Variants in DCAF5 observed in about 807,000 individuals in gnomAD.
DCAF5 encodes the protein DDB1 and CUL4 associated factor 5, also known as DDB1- and CUL4-associated factor 5.
Under a neutral mutation model 80.7 loss-of-function variants are expected in DCAF5, and 9 were observed. The ratio of observed to expected loss-of-function variants is 0.11; its 90% CI spans 0.07 to 0.19. DCAF5 has a LOEUF of 0.19. DCAF5 is among the 10% of genes least tolerant of loss of function. The pLI is 1.00. For synonymous variants in DCAF5, 433 were observed against 461.9 expected (o/e 0.94, Z 0.80); for missense variants, 842 against 1,205.7 (o/e 0.70, Z 4.47).
Position 69,053,943 on chromosome 14 carries a change from C to T in DCAF5, c.2743G>A (p.Gly915Ser), listed in dbSNP as rs750214119. Residue 915 changes from glycine (G) to serine (S), a missense_variant, in exon 9 of 9, where the codon GGC becomes AGC. Coordinates refer to ENST00000341516, the MANE Select transcript of DCAF5 (RefSeq NM_003861.3). Reference protein sequence around the residue: ...PATDSSRAVHGHSGLKRQRIE... With the variant: ...PATDSSRAVHSHSGLKRQRIE... ...CGTTGCCTTTTGAGGCCACTGTGGC[C>T]ATGAACAGCCCTGCTACTATCTGTG... 7 of 1,612,868 alleles carry T rather than the reference C, an allele frequency of 4.3e-6. No individual in the cohort carries two copies. The highest frequency in any genetic ancestry group is 5.1e-6 in the Non-Finnish European group (6 of 1,179,642).
intron 1 of DCAF5, among the ~76,000 whole-genome samples, chr14:69,124,517 A>G (rs1261503967): frequency 6.6e-6 from 1 of 152,072 alleles, no homozygotes; most frequent in African/African-American, 2.4e-5. Context: ...TCTTCCTTCC[A>G]TTGTCAGTCC....
At position 69,091,578 on chromosome 14, in the gene DCAF5, C is replaced by G; in HGVS notation, c.879+96G>C. 2.6e-6 allele frequency: 3 copies of G among 1,140,246 alleles called. No homozygotes were observed. The Middle Eastern group carries it at 6.1e-4, about 233-fold the overall frequency. The allele number at this position is 1,140,246 out of a possible 1,614,324, so 70.6% of individuals were successfully genotyped here. On this transcript the variant is annotated intron_variant, in intron 6 of 8. Coordinates refer to ENST00000341516, the MANE Select transcript of DCAF5 (RefSeq NM_003861.3). Reference sequence around the variant, plus strand: ...CACTGTTTCCCCTTAATTGTTTCTACCTGACATAATGGTAATGAGAAATAA... The same window carrying G: ...CACTGTTTCCCCTTAATTGTTTCTAGCTGACATAATGGTAATGAGAAATAA...
chr14:69,095,695 G>C (rs116213526), intron 5 of DCAF5, among the ~76,000 whole-genome samples: 7 of 152,312 alleles, frequency 4.6e-5, no homozygotes, highest in African/African-American at 7.2e-5. Context: ...GAAAGTGATT[G>C]AGCGTATCAC....
chr14:69,062,848 C>T (rs1365222330), intron 7 of DCAF5, among the ~76,000 whole-genome samples: 4 of 152,126 alleles, frequency 2.6e-5, no homozygotes, highest in African/African-American at 9.7e-5. Flanking sequence ...AAAAGGCCAA[C>T]CATGAGCAAA....
rs146701436 is a variant in DCAF5, at chr14:69,143,412, T to G, written c.214+9353A>C. 3.6e-3 allele frequency among the ~76,000 whole-genome samples: 553 copies of G among 152,278 alleles called. 6 individuals carry two copies. The highest frequency in any genetic ancestry group is 0.012 in the African/African-American group (479 of 41,546). ...TTCTGTAAGCCTCAGTTCCCTCATA[T>G]GTAATATAAGGATAATAATACTACC... On this transcript the variant is annotated intron_variant, in intron 1 of 8. Coordinates refer to ENST00000341516, the MANE Select transcript of DCAF5 (RefSeq NM_003861.3).
chr14:69,145,906 TC>T (rs1299330801), intron 1 of DCAF5, among the ~76,000 whole-genome samples: 3 of 152,206 alleles, frequency 2.0e-5, no homozygotes, highest in African/African-American at 7.2e-5. Context: ...ATGGAAGTGC[TC>T]TTATAAACTT....
chr14:69,055,100 T>G lies in DCAF5; in HGVS notation c.1586A>C (p.Asn529Thr), dbSNP rs777143763. The change falls in exon 9 of 9, where the codon AAT (asparagine) becomes ACT (threonine). Residue 529 changes from asparagine (N) to threonine (T), a missense_variant. Physicochemically the swap from Asn to Thr is moderately conservative, Grantham distance 65. This residue lies in a region of DCAF5 where 607 missense variants were observed against 656.6 expected (regional missense o/e 0.92). Coordinates refer to ENST00000341516, the MANE Select transcript of DCAF5 (RefSeq NM_003861.3). This position sits in a 1 kb window ranked among gnomAD's most constrained non-coding sequence, Gnocchi z 5.6. ...YQDKRLLALSNESDSEENVCE... is the reference protein window; with the variant it reads ...YQDKRLLALSTESDSEENVCE... The stretch of plus-strand genomic sequence containing the variant: ...GACATTCTCCTCAGAATCGGACTCA[T>G]TGGAAAGGGCCAGGAGGCGTTTGTC... 1.2e-6 allele frequency: 2 copies of G among 1,614,176 alleles called. No homozygotes were observed. The highest frequency in any genetic ancestry group is 1.7e-6 in the Non-Finnish European group (2 of 1,180,036).
intron 6 of DCAF5, among the ~76,000 whole-genome samples, chr14:69,077,583 G>T (rs1040511228): frequency 2.6e-4 from 40 of 152,004 alleles, no homozygotes; most frequent in African/African-American, 9.2e-4. Context: ...CACTTCCATT[G>T]CCCAGGCTGG....
chr14:69,143,346 G>C (rs2041429919), intron 1 of DCAF5, among the ~76,000 whole-genome samples: 1 of 152,056 alleles, frequency 6.6e-6, no homozygotes, highest in Non-Finnish European at 1.5e-5. Context: ...TGGAAATCTA[G>C]CTCCACCATA....
intron 6 of DCAF5, among the ~76,000 whole-genome samples, chr14:69,087,469 CA>C (rs1041923353): frequency 6.6e-6 from 1 of 151,930 alleles, no homozygotes. Context: ...TTGCTTTAAA[CA>C]AAAAAAGTAA....
intron 5 of DCAF5, among the ~76,000 whole-genome samples, chr14:69,108,400 G>C (rs7161255): frequency 0.12 from 17,831 of 152,168 alleles, 1,211 homozygotes; most frequent in Middle Eastern, 0.21. Context: ...TGTGTTTTGG[G>C]GGGTGGTGCA....
chr14:69,104,556 G>A (rs1285196816), intron 5 of DCAF5, among the ~76,000 whole-genome samples: 1 of 151,898 alleles, frequency 6.6e-6, no homozygotes, highest in East Asian at 1.9e-4. Context: ...TAATTTGCAA[G>A]CAAAAGAAGT....
At chr14:69,145,244 C>T (rs1041084290) in intron 1 of DCAF5, among the ~76,000 whole-genome samples, 8 of 152,040 alleles carry the variant, frequency 5.3e-5, no homozygotes, top group Non-Finnish European at 7.4e-5. Context: ...TCTCAAACTC[C>T]GGGGCTCAAG....
intron 1 of DCAF5, among the ~76,000 whole-genome samples, chr14:69,130,529 A>C (rs994239221): frequency 3.3e-5 from 5 of 152,224 alleles, no homozygotes; most frequent in Non-Finnish European, 7.3e-5. Context: ...AATGTAATTA[A>C]TACCACTGAA....
At chr14:69,074,828 A>G (rs912730514) in intron 7 of DCAF5, among the ~76,000 whole-genome samples, 2 of 152,110 alleles carry the variant, frequency 1.3e-5, no homozygotes, top group Admixed American at 1.3e-4. Context: ...GAGATCAGGA[A>G]TTTGAGACCA....
At chr14:69,112,709 T>C (rs754386322) in intron 5 of DCAF5, among the ~76,000 whole-genome samples, 4 of 152,206 alleles carry the variant, frequency 2.6e-5, no homozygotes, top group South Asian at 2.1e-4. Context: ...CATAGGGTTA[T>C]CATAAGGATT....
chr14:69,150,162 T>G (rs1278469261), intron 1 of DCAF5, among the ~76,000 whole-genome samples: 2 of 151,876 alleles, frequency 1.3e-5, no homozygotes, highest in Non-Finnish European at 2.9e-5. Flanking sequence ...GGAGGAGCGA[T>G]GGAATAGCCT....
chr14:69,147,542 G>A (rs909729039), intron 1 of DCAF5, among the ~76,000 whole-genome samples: 20 of 152,122 alleles, frequency 1.3e-4, no homozygotes, highest in Admixed American at 9.8e-4. Context: ...CCAAGCAGCT[G>A]GGTTGGTGTT....
At chr14:69,151,500 C>T (rs965690730) in intron 1 of DCAF5, among the ~76,000 whole-genome samples, 4 of 152,218 alleles carry the variant, frequency 2.6e-5, no homozygotes, top group African/African-American at 4.8e-5. Flanking sequence ...CTAAGCGCCA[C>T]GTCCAGCGCT....
Sources: gnomAD v4.1 joint callset for allele counts (sites outside exome capture counted in the v4.1 genomes callset) on GRCh38, gnomAD v4.1.1 for gene constraint, gnomAD v4.1.1 regional missense constraint, Gnocchi (gnomAD v3.1) non-coding constraint, MANE v1.5 for transcripts, NCBI Gene and HGNC (gene_info 2026-07-23, HGNC 2026-07-21) for gene names.